ZMAT4: variants seen among roughly 807,000 people sequenced by gnomAD.
The protein encoded by ZMAT4 is zinc finger matrin-type protein 4.
ZMAT4 carries 17 observed loss-of-function variants against 28.7 expected under a neutral mutation model. That is an observed-to-expected ratio of 0.59 (90% confidence interval 0.41 to 0.89). The LOEUF is 0.89. Ranked by LOEUF, ZMAT4 falls within the 40% of genes least tolerant of loss-of-function variation. The pLI is 0.00. For synonymous variants in ZMAT4, 117 were observed against 109.2 expected (o/e 1.07, Z -0.44); for missense variants, 240 against 283.8 (o/e 0.85, Z 1.11).
intron 1 of ZMAT4, among the ~76,000 whole-genome samples, chr8:40,832,033 T>A (rs1816299555): frequency 6.6e-6 from 1 of 152,140 alleles, no homozygotes; most frequent in Non-Finnish European, 1.5e-5. Flanking sequence ...GTCACTCAGC[T>A]CCTAAGGGGC....
chr8:40,743,500 G>A (rs183309685), intron 3 of ZMAT4, among the ~76,000 whole-genome samples: 151 of 152,304 alleles, frequency 9.9e-4, no homozygotes, highest in Non-Finnish European at 1.8e-3. Flanking sequence ...CTAAAACCCA[G>A]GGGCTGTTCT....
rs576426124 is a variant in ZMAT4 at position 40,601,257 on chromosome 8, T to C, written c.578-19996A>G. Among the ~76,000 whole-genome samples the C allele has an allele frequency of 8.6e-5, 13 of 151,846 alleles. 2 individuals are homozygous for C. In the South Asian group the frequency reaches 2.7e-3, roughly 32 times the overall value. ...TTTTGACCTAGGCAGCATTTTTTTT[T>C]CCACTTTAACAGAAACTGCAGTCCA... On this transcript the variant is annotated intron_variant, in intron 5 of 6. Coordinates refer to ENST00000297737, the MANE Select transcript of ZMAT4 (RefSeq NM_024645.3).
At chr8:40,798,173 G>A (rs1333967770) in intron 2 of ZMAT4, among the ~76,000 whole-genome samples, 1 of 152,270 alleles carries the variant, frequency 6.6e-6, no homozygotes, top group Non-Finnish European at 1.5e-5. Context: ...TGTGATCTAG[G>A]AAAGTCTTCA....
At chr8:40,877,142 G>C (rs748770644) in intron 1 of ZMAT4, among the ~76,000 whole-genome samples, 1 of 152,204 alleles carries the variant, frequency 6.6e-6, no homozygotes, top group Non-Finnish European at 1.5e-5. Flanking sequence ...GGGAAGATGC[G>C]ATGAAGACCC....
intron 2 of ZMAT4, among the ~76,000 whole-genome samples, chr8:40,802,081 T>C (rs1384637706): frequency 6.6e-6 from 1 of 152,236 alleles, no homozygotes; most frequent in Non-Finnish European, 1.5e-5. Context: ...ATTTTCTCAA[T>C]ATTATAAAGA....
At chr8:40,701,556 C>T (rs538373190) in intron 3 of ZMAT4, among the ~76,000 whole-genome samples, 22 of 132,492 alleles carry the variant, frequency 1.7e-4, no homozygotes, top group African/African-American at 6.1e-4. Context: ...CTCACTCTGC[C>T]TCCCAGGCTG....
intron 2 of ZMAT4, among the ~76,000 whole-genome samples, chr8:40,804,462 AATCT>A (rs1182716384): frequency 4.6e-5 from 7 of 152,194 alleles, no homozygotes; most frequent in African/African-American, 1.2e-4. Flanking sequence ...TAAATCAGTC[AATCT>A]ATCTATCTAA....
chr8:40,563,791 C>A (rs1453233975), intron 6 of ZMAT4, among the ~76,000 whole-genome samples: 2 of 152,060 alleles, frequency 1.3e-5, no homozygotes, highest in Non-Finnish European at 2.9e-5. Context: ...TATTTGACCA[C>A]AGTGGCTCTG....
At chr8:40,706,486 T>C (rs1301965258) in intron 3 of ZMAT4, among the ~76,000 whole-genome samples, 1 of 152,192 alleles carries the variant, frequency 6.6e-6, no homozygotes, top group Non-Finnish European at 1.5e-5. Context: ...AATAAATTCT[T>C]CAATATGTCA....
At chr8:40,821,371 C>G (rs1027882288) in intron 2 of ZMAT4, among the ~76,000 whole-genome samples, 1 of 152,074 alleles carries the variant, frequency 6.6e-6, no homozygotes, top group African/African-American at 2.4e-5. Flanking sequence ...TCAGACTATT[C>G]GTCCAGTGAA....
chr8:40,835,152 C>T (rs1043518818), intron 1 of ZMAT4, among the ~76,000 whole-genome samples: 2 of 152,098 alleles, frequency 1.3e-5, no homozygotes, highest in Non-Finnish European at 2.9e-5. Context: ...AGGTGGAGAG[C>T]TTGGATTTTC....
intron 5 of ZMAT4, among the ~76,000 whole-genome samples, chr8:40,672,975 T>A (rs1276467566): frequency 6.6e-6 from 1 of 151,968 alleles, no homozygotes; most frequent in Non-Finnish European, 1.5e-5. Context: ...TACACATAAA[T>A]AAAGTGTTAT....
At chr8:40,705,968 T>G (rs78749089) in intron 3 of ZMAT4, among the ~76,000 whole-genome samples, 6,934 of 152,308 alleles carry the variant, frequency 0.046, 297 homozygotes, top group East Asian at 0.24. Flanking sequence ...GCATTTCAAG[T>G]GTTCAATAGC....
intron 5 of ZMAT4, among the ~76,000 whole-genome samples, chr8:40,642,460 C>T (rs548218196): frequency 6.6e-6 from 1 of 152,306 alleles, no homozygotes; most frequent in East Asian, 1.9e-4. Context: ...CTAGAGAAGC[C>T]AAATACTTCA....
At chr8:40,840,814 A>C (rs973803870) in intron 1 of ZMAT4, among the ~76,000 whole-genome samples, 2 of 152,206 alleles carry the variant, frequency 1.3e-5, no homozygotes, top group Admixed American at 6.5e-5. Flanking sequence ...CTCAGTCCCC[A>C]ATGTAGTTAC....
intron 1 of ZMAT4, among the ~76,000 whole-genome samples, chr8:40,847,119 G>A (rs1333393277): frequency 2.0e-5 from 3 of 151,606 alleles, no homozygotes; most frequent in South Asian, 2.1e-4. Context: ...CAGGAGAATC[G>A]CTTGAACCAG....
At chr8:40,719,286 C>CA (rs1431605515) in intron 3 of ZMAT4, among the ~76,000 whole-genome samples, 1 of 151,670 alleles carries the variant, frequency 6.6e-6, no homozygotes, top group Non-Finnish European at 1.5e-5. Flanking sequence ...TAAAAATACA[C>CA]AAAAAAATTA....
intron 5 of ZMAT4, among the ~76,000 whole-genome samples, chr8:40,660,282 T>C (rs974608321): frequency 6.6e-6 from 1 of 152,200 alleles, no homozygotes; most frequent in African/African-American, 2.4e-5. Context: ...AAGAAATCTT[T>C]AGTTGTGTAT....
At chr8:40,693,038 T>G (rs1205848898) in intron 4 of ZMAT4, among the ~76,000 whole-genome samples, 1 of 152,246 alleles carries the variant, frequency 6.6e-6, no homozygotes, top group Admixed American at 6.5e-5. Context: ...TGGAAATAGG[T>G]TTTTTGCAAC....
Sources: gnomAD v4.1 joint callset for allele counts (sites outside exome capture counted in the v4.1 genomes callset) on GRCh38, gnomAD v4.1.1 for gene constraint, MANE v1.5 for transcripts, NCBI Gene and HGNC (gene_info 2026-07-23, HGNC 2026-07-21) for gene names.